The following SYNPO2 variants were observed in gnomAD, a reference collection of about 807,000 sequenced individuals.
SYNPO2 encodes synaptopodin-2.
A neutral mutation model predicts 85.0 loss-of-function variants in SYNPO2; 56 were observed. The ratio of observed to expected loss-of-function variants is 0.66; its 90% CI spans 0.53 to 0.82. SYNPO2 has a LOEUF of 0.82. SYNPO2 is among the 40% of genes least tolerant of loss of function. The pLI, the probability that SYNPO2 is intolerant of heterozygous loss-of-function variation, is 0.00. For missense variants in SYNPO2, 1,575 were observed against 1,534.2 expected, an observed-to-expected ratio of 1.03 and a Z score of -0.44; for synonymous variants, 602 against 591.1, an observed-to-expected ratio of 1.02 and a Z score of -0.27.
In SYNPO2 at chr4:119,059,001, T is replaced by C. The variant is rs903378884; in HGVS notation, c.*1067T>C. 1.3e-5 allele frequency: 2 copies of C among 152,192 alleles called. No individual in the cohort carries two copies. The highest frequency in any genetic ancestry group is 2.4e-5 in the African/African-American group (1 of 41,452). 9.4% of individuals were successfully genotyped at this position (152,192 alleles called of 1,614,324 possible). A position where few individuals can be genotyped will look rare whatever the true frequency, so the allele number is the denominator to read the frequency against. Reference sequence around the variant, plus strand: ...GGTCCCCATCTGTCAAATGAGAAGATTGGATTATCTAATCTTTTAGATCCT... The same window carrying C: ...GGTCCCCATCTGTCAAATGAGAAGACTGGATTATCTAATCTTTTAGATCCT... On this transcript the variant is annotated 3_prime_UTR_variant, in exon 5 of 5. Transcript: ENST00000307142.
chr4:119,050,833 A>G (rs1739015870), intron 4 of SYNPO2, among the ~76,000 whole-genome samples: 1 of 152,228 alleles, frequency 6.6e-6, no homozygotes, highest in South Asian at 2.1e-4. Context: ...CATATGCAGT[A>G]TTAACTATAC....
chr4:118,919,665 G>T (rs925368407), intron 1 of SYNPO2, among the ~76,000 whole-genome samples: 9 of 152,202 alleles, frequency 5.9e-5, no homozygotes, highest in African/African-American at 2.2e-4. Context: ...AGGATGGAGA[G>T]AGATCGGAAA....
At chr4:118,919,043 G>C (rs891392864) in intron 1 of SYNPO2, among the ~76,000 whole-genome samples, 21 of 152,200 alleles carry the variant, frequency 1.4e-4, no homozygotes, top group African/African-American at 4.8e-4. Context: ...GAAATGTTTT[G>C]CCATTTTTAG....
intron 4 of SYNPO2, chr4:119,034,548 T>A (rs1561013201): frequency 1.0e-6 from 1 of 985,562 alleles, no homozygotes; most frequent in East Asian, 1.1e-4. Flanking sequence ...ATGTCAGGCA[T>A]GCAGTAAAAG....
chr4:118,866,734 C>T (rs1731704796), intron 1 of SYNPO2, among the ~76,000 whole-genome samples: 1 of 152,114 alleles, frequency 6.6e-6, no homozygotes. Context: ...TGCAGCACTT[C>T]CCCCTTCACT....
At chr4:118,853,192 T>A (rs1731449087) in intron 1 of SYNPO2, among the ~76,000 whole-genome samples, 1 of 152,234 alleles carries the variant, frequency 6.6e-6, no homozygotes, top group Admixed American at 6.5e-5. Context: ...TTCCTATTTG[T>A]ATTTTCCTTT....
chr4:119,049,513 A>G (rs1269802066), intron 4 of SYNPO2, among the ~76,000 whole-genome samples: 1 of 152,198 alleles, frequency 6.6e-6, no homozygotes, highest in Non-Finnish European at 1.5e-5. Context: ...TATGGTATAA[A>G]ATAGTTTAAA....
chr4:118,987,141 GTTAA>G (rs1736249835), intron 1 of SYNPO2, among the ~76,000 whole-genome samples: 2 of 152,144 alleles, frequency 1.3e-5, no homozygotes, highest in South Asian at 4.2e-4. Context: ...ACAGGAAAAT[GTTAA>G]TTGACTCCTC....
intron 1 of SYNPO2, among the ~76,000 whole-genome samples, chr4:118,852,351 C>G (rs1410869829): frequency 3.3e-5 from 5 of 152,138 alleles, no homozygotes; most frequent in Non-Finnish European, 5.9e-5. Context: ...CCACTTGACC[C>G]AGCAATCTCA....
intron 1 of SYNPO2, among the ~76,000 whole-genome samples, chr4:119,007,171 C>G (rs1182794407): frequency 7.2e-6 from 1 of 138,688 alleles, no homozygotes; most frequent in Non-Finnish European, 1.5e-5. Context: ...CACACACACA[C>G]AAGAATGAGG....
intron 1 of SYNPO2, among the ~76,000 whole-genome samples, chr4:119,017,805 G>A (rs908248754): frequency 3.9e-5 from 6 of 152,166 alleles, no homozygotes; most frequent in African/African-American, 1.4e-4. Flanking sequence ...AATTATACAT[G>A]AAAATGCAGC....
rs529546205 is a variant in SYNPO2 at position 118,976,740 on chromosome 4, G to A, written c.106-46690G>A. On this transcript the variant is annotated intron_variant, in intron 1 of 4. Transcript: ENST00000307142. ...TTCACAAACCTTGAGCTAAACACAG[G>A]GTGCTGACTGGTGTGTTTACAAACC... Among the ~76,000 whole-genome samples the A allele has an allele frequency of 2.0e-5, 3 of 152,214 alleles. No individual in the cohort carries two copies. The South Asian group carries it at 6.2e-4, about 32-fold the overall frequency.
At chr4:118,862,237 G>A (rs1376086526) in intron 1 of SYNPO2, among the ~76,000 whole-genome samples, 1 of 152,126 alleles carries the variant, frequency 6.6e-6, no homozygotes, top group Admixed American at 6.5e-5. Context: ...TTTTGGTGGA[G>A]TCTAGTTTTT....
chr4:118,959,593 C>T (rs1006834469), intron 1 of SYNPO2, among the ~76,000 whole-genome samples: 4 of 152,198 alleles, frequency 2.6e-5, no homozygotes, highest in African/African-American at 9.6e-5. Flanking sequence ...TGTGTACTTT[C>T]TCTGGGGCAA....
chr4:118,998,200 G>T (rs758876885), intron 1 of SYNPO2, among the ~76,000 whole-genome samples: 7 of 152,162 alleles, frequency 4.6e-5, no homozygotes, highest in Non-Finnish European at 1.0e-4. Context: ...CACTTCACTG[G>T]CTTGGTCATA....
At chr4:118,864,230 G>A (rs1731665614) in intron 1 of SYNPO2, among the ~76,000 whole-genome samples, 1 of 152,076 alleles carries the variant, frequency 6.6e-6, no homozygotes, top group Non-Finnish European at 1.5e-5. Flanking sequence ...TTTCAGGAGA[G>A]CATTGTTTAA....
chr4:118,913,653 T>A (rs1035529166), intron 1 of SYNPO2, among the ~76,000 whole-genome samples: 2 of 151,854 alleles, frequency 1.3e-5, no homozygotes, highest in African/African-American at 4.8e-5. Flanking sequence ...CTACACTCAT[T>A]TTCCATAGTT....
At chr4:118,945,254 A>T (rs1445646062) in intron 1 of SYNPO2, among the ~76,000 whole-genome samples, 3 of 152,218 alleles carry the variant, frequency 2.0e-5, no homozygotes, top group Admixed American at 6.5e-5. Context: ...GTTTTAAAAA[A>T]TGTACAAAGA....
intron 1 of SYNPO2, among the ~76,000 whole-genome samples, chr4:118,977,009 C>T (rs1016050880): frequency 1.2e-4 from 18 of 152,366 alleles, no homozygotes; most frequent in Admixed American, 2.0e-4. Context: ...CGCACCGGGG[C>T]TGCAGCTGGA....
Sources: gnomAD v4.1 joint callset for allele counts (sites outside exome capture counted in the v4.1 genomes callset) on GRCh38, gnomAD v4.1.1 for gene constraint, MANE v1.5 for transcripts, NCBI Gene and HGNC (gene_info 2026-07-23, HGNC 2026-07-21) for gene names.